ZNF655: variants seen among roughly 807,000 people sequenced by gnomAD.
ZNF655 encodes zinc finger protein 655.
A neutral mutation model predicts 6.6 loss-of-function variants in ZNF655; 3 were observed. That is an observed-to-expected ratio of 0.46 (90% CI 0.21 to 1.18). The LOEUF (loss-of-function observed/expected upper bound fraction) is 1.18. Among genes scored for constraint, ZNF655 ranks in the 50% most tolerant of loss-of-function variants. The probability of loss-of-function intolerance (pLI) is 0.24; values close to 1 mark genes in which losing one functional copy is unlikely to be tolerated. For synonymous variants in ZNF655, 178 were observed against 195.0 expected (o/e 0.91, Z 0.73); for missense variants, 526 against 572.3 (o/e 0.92, Z 0.83).
At chr7:99,558,944 A>C (rs1802832934) in intron 1 of ZNF655, 157 bp downstream of exon 1, 1 of 152,134 alleles carries the variant, frequency 6.6e-6, no homozygotes, top group Non-Finnish European at 1.5e-5. Context: ...GTTTCTCTTC[A>C]GCCCTGGTTC....
chr7:99,560,377 C>A (rs1584239105), intron 1 of ZNF655, 156 bp from the exon 2 acceptor site: 1 of 677,778 alleles, frequency 1.5e-6, no homozygotes, highest in East Asian at 3.8e-5. Context: ...TGCGCCTGGC[C>A]CCATTTTTCT....
Position 99,572,644 on chromosome 7 carries a change from A to C in ZNF655, c.536A>C (p.Asn179Thr). 6.2e-7 allele frequency: 1 copy of C among 1,613,726 alleles called. No homozygotes were observed. The highest frequency in any genetic ancestry group is 1.1e-5 in the South Asian group (1 of 91,050). ...NSASGKHEHL[N>T]LTEDFQSSEC... ...GCCTCTGGTAAACATGAACACTTAA[A>C]TCTAACAGAGGATTTTCAGAGTAGT... The change falls in exon 3 of 3, where the codon AAT (asparagine) becomes ACT (threonine). Residue 179 changes from asparagine (N) to threonine (T), a missense_variant. Coordinates refer to ENST00000252713, the MANE Select transcript of ZNF655 (RefSeq NM_138494.3).
intron 2 of ZNF655, among the ~76,000 whole-genome samples, chr7:99,562,654 G>A (rs1022700307): frequency 2.6e-5 from 4 of 152,070 alleles, no homozygotes; most frequent in Non-Finnish European, 4.4e-5. Context: ...CTCCGGGAGG[G>A]GTAATTAACG....
chr7:99,573,871 A>C lies in ZNF655; in HGVS notation c.*287A>C. 2.8e-6 allele frequency: 1 copy of C among 359,432 alleles called. No individual in the cohort carries two copies. The highest frequency in any genetic ancestry group is 5.0e-6 in the Non-Finnish European group (1 of 198,878). 22.3% of individuals were successfully genotyped at this position (359,432 alleles called of 1,614,324 possible). A position where few individuals can be genotyped will look rare whatever the true frequency, so the allele number is the denominator to read the frequency against. On this transcript the variant is annotated 3_prime_UTR_variant, in exon 3 of 3. Transcript: ENST00000252713. ...AATTTTTCATGCTATTAGTATTTTC[A>C]TACCTTAGTCACATTTGGAGAATTC...
chr7:99,572,200 AG>A (rs1562937719), intron 2 of ZNF655, 44 bp from the exon 3 acceptor site: 2 of 1,509,378 alleles, frequency 1.3e-6, no homozygotes, highest in Admixed American at 4.4e-5. Flanking sequence ...TCCTAAGCAC[AG>A]GGTACAGATT....
chr7:99,573,712 A>G lies in ZNF655; in HGVS notation c.*128A>G, dbSNP rs192509626. ...TTCAGTCATAGCTCAGCCATTGCTC[A>G]GCATCAGATAATTCACACCAGAGAG... is the stretch of plus-strand genomic sequence containing the variant. On this transcript the variant is annotated 3_prime_UTR_variant, in exon 3 of 3. Transcript: ENST00000252713. 29 of 1,089,848 alleles carry G rather than the reference A, an allele frequency of 2.7e-5. No homozygotes were observed. Among genetic ancestry groups the G allele is most frequent in the Admixed American group, 2.4e-4 (10 of 41,118 alleles). The allele number at this position is 1,089,848 out of a possible 1,614,324, so 67.5% of individuals were successfully genotyped here. A position where few individuals can be genotyped will look rare whatever the true frequency, so the allele number is the denominator to read the frequency against.
At chr7:99,570,032 G>T (rs1484779577) in intron 2 of ZNF655, among the ~76,000 whole-genome samples, 3 of 152,000 alleles carry the variant, frequency 2.0e-5, no homozygotes, top group Non-Finnish European at 4.4e-5. Context: ...CATCTGCTGG[G>T]CATTTTCTCT....
chr7:99,559,982 G>C (rs370835973), intron 1 of ZNF655, among the ~76,000 whole-genome samples: 1 of 151,792 alleles, frequency 6.6e-6, no homozygotes, highest in Non-Finnish European at 1.5e-5. Context: ...AAATTGTACC[G>C]TGTTAATTTT....
Position 99,573,384 on chromosome 7 carries a change from C to T in ZNF655, c.1276C>T (p.His426Tyr). The change falls in exon 3 of 3, where the codon CAT becomes TAT. Residue 426 changes from histidine to tyrosine, a missense_variant. Physicochemically the swap from His to Tyr is moderately conservative, Grantham distance 83. Transcript: ENST00000252713. ...CAGTCAAACCTCATGCCTTATTCAG[C>T]ATCACAAAATGCATAGGAAAGAGAA... ...AFSQTSCLIQ[H>Y]HKMHRKEKSY... 2 of 1,614,104 alleles carry T rather than the reference C, an allele frequency of 1.2e-6. No individual in the cohort carries two copies. The highest frequency in any genetic ancestry group is 2.2e-5 in the East Asian group (1 of 44,872).
Position 99,561,894 on chromosome 7 carries a change from C to T in ZNF655, c.136+1199C>T, listed in dbSNP as rs1248788310. ...CTCCTTTCTCCTCCCTCAGCTCCAC[C>T]TGTTCCTCAGGTGCCTGCTCTTCCC... On this transcript the variant is annotated intron_variant, in intron 2 of 2. Transcript: ENST00000252713. The T allele has an allele frequency of 3.9e-6, 6 of 1,556,028 alleles. No homozygotes were observed. In the South Asian group the frequency reaches 7.2e-5, roughly 19 times the overall value.
At position 99,572,511 on chromosome 7, in the gene ZNF655, G is replaced by T. The variant is rs150062522; in HGVS notation, c.403G>T (p.Glu135Ter). The T allele has an allele frequency of 6.2e-7, 1 of 1,613,792 alleles. No individual in the cohort carries two copies. The highest frequency in any genetic ancestry group is 8.5e-7 in the Non-Finnish European group (1 of 1,179,940). Reference sequence around the variant, plus strand: ...GAAGAACAATGAATGTCATGAACCCGAAAAAAGCTTCAGTCTGGACTCTAC... The same window carrying T: ...GAAGAACAATGAATGTCATGAACCCTAAAAAAGCTTCAGTCTGGACTCTAC... ...SEKNNECHEP[E>*]KSFSLDSTID... is the part of the protein sequence containing the mutation. The change falls in exon 3 of 3, where the codon GAA becomes TAA. Residue 135 changes from glutamate to a stop codon, truncating the protein, a stop_gained. Transcript: ENST00000252713. LOFTEE classifies it low-confidence loss of function (END_TRUNC).
chr7:99,573,229 A>G lies in ZNF655; in HGVS notation c.1121A>G (p.His374Arg). Residue 374 changes from histidine to arginine, a missense_variant, in exon 3 of 3, where the codon CAT becomes CGT. Coordinates refer to ENST00000252713, the MANE Select transcript of ZNF655 (RefSeq NM_138494.3). ...GLAYIKQQGI[H>R]FREKPYTCSE... ...GCCTATATTAAACAACAAGGAATTC[A>G]TTTCAGAGAAAAGCCCTATACGTGT... 6.2e-7 allele frequency: 1 copy of G among 1,614,172 alleles called. No homozygotes were observed. Among genetic ancestry groups the G allele is most frequent in the Non-Finnish European group, 8.5e-7 (1 of 1,180,016 alleles).
In ZNF655 at chr7:99,564,927, C is replaced by T. The variant is rs1177220298; in HGVS notation, c.136+4232C>T. Among the ~76,000 whole-genome samples, 5 of 152,174 alleles carry T rather than the reference C, an allele frequency of 3.3e-5. No homozygotes were observed. The South Asian group carries it at 1.0e-3, about 31-fold the overall frequency. On this transcript the variant is annotated intron_variant, in intron 2 of 2. Transcript: ENST00000252713. ...TTTTGTGATCAAGTTAGCAGCATCT[C>T]CTTAGCAGTTATTTTTACAATCCTT...
At chr7:99,562,145 TC>T in intron 2 of ZNF655, 1 of 743,668 alleles carries the variant, frequency 1.3e-6, no homozygotes, top group Non-Finnish European at 2.1e-6. Flanking sequence ...ACTTCCCATC[TC>T]CCCAGTGCCA....
At chr7:99,559,716 C>T (rs1020222667) in intron 1 of ZNF655, among the ~76,000 whole-genome samples, 3 of 152,084 alleles carry the variant, frequency 2.0e-5, no homozygotes, top group Non-Finnish European at 4.4e-5. Flanking sequence ...CAGCCTCTAC[C>T]TCCCAAGCTC....
At chr7:99,571,590 C>T (rs1159335736) in intron 2 of ZNF655, 10 of 1,056,752 alleles carry the variant, frequency 9.5e-6, no homozygotes, top group South Asian at 6.4e-5. Flanking sequence ...TTCTCAGAAT[C>T]GACCTTCTGT....
At position 99,573,297 on chromosome 7, in the gene ZNF655, C is replaced by G; in HGVS notation, c.1189C>G (p.Gln397Glu). 6.2e-7 allele frequency: 1 copy of G among 1,614,120 alleles called. No individual in the cohort carries two copies. The highest frequency in any genetic ancestry group is 8.5e-7 in the Non-Finnish European group (1 of 1,180,006). ...KDFRLNSHLI[Q>E]HQRIHTGEKA... ...CTTCAGATTGAATTCACATCTTATT[C>G]AGCATCAAAGAATTCACACAGGAGA... The change falls in exon 3 of 3, where the codon CAG (glutamine) becomes GAG (glutamate). Residue 397 changes from glutamine to glutamate, a missense_variant. By Grantham distance (29) the Gln-to-Glu change is conservative. Transcript: ENST00000252713.
Position 99,564,810 on chromosome 7 carries a change from C to T in ZNF655, c.136+4115C>T, listed in dbSNP as rs111877838. ...TATCCCATTTCCTCTCTTATCTCTG[C>T]ACTGCACACTCGACATGCAGTCGAC... On this transcript the variant is annotated intron_variant, in intron 2 of 2. Coordinates refer to ENST00000252713, the MANE Select transcript of ZNF655 (RefSeq NM_138494.3). 55 of 615,406 alleles carry T rather than the reference C, an allele frequency of 8.9e-5. No individual in the cohort carries two copies. In the African/African-American group the frequency reaches 1.0e-3, roughly 12 times the overall value. The allele number at this position is 615,406 out of a possible 1,614,324, so 38.1% of individuals were successfully genotyped here.
rs746782748 is a variant in ZNF655, at chr7:99,571,823, A to C, written c.137-422A>C. The stretch of plus-strand genomic sequence containing the variant: ...TAAGGCAGAATCAGATAGAATTAGT[A>C]GGGAAGTAAAGTTCAATTGTTGAGC... On this transcript the variant is annotated intron_variant, in intron 2 of 2. Transcript: ENST00000252713. 22 of 1,472,890 alleles carry C rather than the reference A, an allele frequency of 1.5e-5. No homozygotes were observed. In the South Asian group the frequency reaches 2.6e-4, roughly 17 times the overall value. The allele number at this position is 1,472,890 out of a possible 1,614,324, so 91.2% of individuals were successfully genotyped here.
Sources: gnomAD v4.1 joint callset for allele counts (sites outside exome capture counted in the v4.1 genomes callset) on GRCh38, gnomAD v4.1.1 for gene constraint, MANE v1.5 for transcripts, NCBI Gene and HGNC (gene_info 2026-07-23, HGNC 2026-07-21) for gene names.